The following SRBD1 variants were observed in gnomAD, a reference collection of about 807,000 sequenced individuals.
SRBD1 encodes S1 RNA-binding domain-containing protein 1.
Under a neutral mutation model 115.3 loss-of-function variants are expected in SRBD1, and 88 were observed. The ratio of observed to expected loss-of-function variants is 0.76; its 90% confidence interval spans 0.64 to 0.91. SRBD1 has a LOEUF of 0.91. Ranked by LOEUF, SRBD1 falls within the 40% of genes least tolerant of loss-of-function variation. The pLI, the probability that SRBD1 is intolerant of heterozygous loss-of-function variation, is 0.00. For synonymous variants in SRBD1, 509 were observed against 407.7 expected, an observed-to-expected ratio of 1.25 and a Z score of -2.99; for missense variants, 1,385 against 1,177.4, an observed-to-expected ratio of 1.18 and a Z score of -2.58.
intron 14 of SRBD1, among the ~76,000 whole-genome samples, chr2:45,521,739 G>A (rs1193741658): frequency 1.3e-5 from 2 of 151,456 alleles, no homozygotes. Flanking sequence ...GGCCAAAGTG[G>A]GAGGATCACT....
intron 14 of SRBD1, among the ~76,000 whole-genome samples, chr2:45,502,887 A>G (rs1670679823): frequency 6.6e-6 from 1 of 152,110 alleles, no homozygotes; most frequent in Admixed American, 6.6e-5. Context: ...TGGCATGATC[A>G]CAGCTCAATG....
intron 16 of SRBD1, among the ~76,000 whole-genome samples, chr2:45,463,224 T>C (rs1347775400): frequency 6.6e-6 from 1 of 152,216 alleles, no homozygotes; most frequent in Non-Finnish European, 1.5e-5. Flanking sequence ...TGTACCACAT[T>C]ATAAAATCAC....
intron 16 of SRBD1, among the ~76,000 whole-genome samples, chr2:45,439,326 C>T (rs1172311348): frequency 1.3e-5 from 2 of 149,382 alleles, no homozygotes; most frequent in Non-Finnish European, 3.0e-5. Flanking sequence ...GACATAAAAC[C>T]AGAAAGCAAA....
chr2:45,523,960 CAAGTGGG>C (rs1558453380), intron 14 of SRBD1, among the ~76,000 whole-genome samples: 1 of 151,940 alleles, frequency 6.6e-6, no homozygotes. Context: ...ACACCATCAC[CAAGTGGG>C]ATTTATCCCA....
intron 16 of SRBD1, among the ~76,000 whole-genome samples, chr2:45,428,832 G>C (rs186316733): frequency 1.1e-4 from 16 of 152,044 alleles, no homozygotes; most frequent in Non-Finnish European, 1.8e-4. Flanking sequence ...AGAACTGAAG[G>C]AGATACAGAT....
intron 14 of SRBD1, among the ~76,000 whole-genome samples, chr2:45,516,202 A>C (rs114950338): frequency 0.013 from 1,920 of 152,328 alleles, 17 homozygotes; most frequent in Non-Finnish European, 0.021. Flanking sequence ...TTTGCTCTTA[A>C]AAAGGGGACA....
chr2:45,570,870 T>A (rs988211951), intron 9 of SRBD1, among the ~76,000 whole-genome samples: 1 of 152,074 alleles, frequency 6.6e-6, no homozygotes, highest in Admixed American at 6.6e-5. Context: ...TGGAACTTAC[T>A]CAGGACAGAA....
intron 11 of SRBD1, among the ~76,000 whole-genome samples, chr2:45,552,157 A>G (rs570960793): frequency 6.6e-6 from 1 of 152,326 alleles, no homozygotes; most frequent in South Asian, 2.1e-4. Flanking sequence ...ATGCAGACGT[A>G]GGCTATGCAT....
chr2:45,503,349 C>T (rs940098162), intron 14 of SRBD1, among the ~76,000 whole-genome samples: 9 of 152,126 alleles, frequency 5.9e-5, no homozygotes, highest in Admixed American at 4.6e-4. Context: ...ATATGGATTG[C>T]TGCGCCAGTG....
intron 2 of SRBD1, 73 bp from the exon 3 acceptor site, chr2:45,602,156 ATTCTTG>A: frequency 2.0e-6 from 3 of 1,504,118 alleles, no homozygotes; most frequent in Admixed American, 2.2e-5. Context: ...GAGATGCAAG[ATTCTTG>A]AAAAAATGAT....
In SRBD1 at chr2:45,556,742, C is replaced by T. The variant is rs140600762; in HGVS notation, c.1410-3012G>A. 9.2e-5 allele frequency among the ~76,000 whole-genome samples: 14 copies of T among 152,190 alleles called. No individual in the cohort carries two copies. In the East Asian group the frequency reaches 1.5e-3, roughly 17 times the overall value. On this transcript the variant is annotated intron_variant, in intron 10 of 20. Coordinates refer to ENST00000263736, the MANE Select transcript of SRBD1 (RefSeq NM_018079.5). ...CCTCCCAAAGTGCTGGGATTATAGG[C>T]GTGACCCACCATGTCTGGCCTTGCT...
chr2:45,493,250 G>C (rs1392730078), intron 14 of SRBD1, among the ~76,000 whole-genome samples: 3 of 152,128 alleles, frequency 2.0e-5, no homozygotes, highest in African/African-American at 4.8e-5. Flanking sequence ...GTAATACAAA[G>C]CACTAAAAAC....
chr2:45,422,688 G>T (rs1668042595), intron 16 of SRBD1, among the ~76,000 whole-genome samples: 4 of 152,182 alleles, frequency 2.6e-5, no homozygotes, highest in Non-Finnish European at 5.9e-5. Flanking sequence ...TAATGAAGAG[G>T]TTAAAGAGTA....
chr2:45,465,647 A>T (rs1032644158), intron 16 of SRBD1, among the ~76,000 whole-genome samples: 3 of 152,210 alleles, frequency 2.0e-5, no homozygotes, highest in African/African-American at 4.8e-5. Flanking sequence ...GTTTCATTTT[A>T]AAAATATTAT....
At chr2:45,552,017 A>G (rs545063909) in intron 11 of SRBD1, among the ~76,000 whole-genome samples, 1 of 152,358 alleles carries the variant, frequency 6.6e-6, no homozygotes, top group Admixed American at 6.5e-5. Flanking sequence ...AAGGGGAGGA[A>G]AAATTCAAGT....
At chr2:45,549,515 T>C (rs1346819606) in intron 12 of SRBD1, among the ~76,000 whole-genome samples, 3 of 151,574 alleles carry the variant, frequency 2.0e-5, no homozygotes, top group Non-Finnish European at 4.4e-5. Flanking sequence ...CAGAAAGATG[T>C]GCCTAATGTA....
chr2:45,521,318 C>CACACACAT (rs1200053535), intron 14 of SRBD1, among the ~76,000 whole-genome samples: 1 of 149,102 alleles, frequency 6.7e-6, no homozygotes, highest in Non-Finnish European at 1.5e-5. Context: ...CACACACACA[C>CACACACAT]AAACCAAACT....
intron 9 of SRBD1, among the ~76,000 whole-genome samples, chr2:45,570,552 C>G (rs150560450): frequency 3.9e-4 from 59 of 152,224 alleles, no homozygotes; most frequent in Admixed American, 1.4e-3. Flanking sequence ...CATCCCTCCA[C>G]AAAGGTAACT....
Position 45,389,138 on chromosome 2 carries a change from G to A in SRBD1, c.*172C>T, listed in dbSNP as rs1666925881. On this transcript the variant is annotated 3_prime_UTR_variant, in exon 21 of 21. Coordinates refer to ENST00000263736, the MANE Select transcript of SRBD1 (RefSeq NM_018079.5). ...CTTTAAGGGAAAAGGAAATCAAACT[G>A]TTGGTTTTCTATTTATTCAGAAGAA... 5.2e-6 allele frequency: 4 copies of A among 766,706 alleles called. 1 individual carries two copies. Among genetic ancestry groups the A allele is most frequent in the African/African-American group, 1.8e-5 (1 of 56,882 alleles). 47.5% of individuals were successfully genotyped at this position (766,706 alleles called of 1,614,324 possible).
Sources: allele counts gnomAD v4.1 joint callset (sites outside exome capture counted in the v4.1 genomes callset), GRCh38; gene constraint gnomAD v4.1.1; transcripts MANE v1.5; gene names NCBI Gene and HGNC (gene_info 2026-07-23, HGNC 2026-07-21).